Variants in AGTPBP1 observed in about 807,000 individuals in gnomAD.
AGTPBP1 encodes the protein ATP/GTP binding carboxypeptidase 1.
AGTPBP1 carries 70 observed loss-of-function variants against 143.9 expected under a neutral mutation model. The observed-to-expected ratio is 0.49, with a 90% CI of 0.40 to 0.59. The LOEUF (loss-of-function observed/expected upper bound fraction) is 0.59, where lower values mean the gene tolerates loss of function less well. AGTPBP1 is among the 20% of genes least tolerant of loss of function. The pLI is 0.00. For synonymous variants in AGTPBP1, 463 were observed against 500.2 expected (o/e 0.93, Z 0.99); for missense variants, 1,229 against 1,464.5 (o/e 0.84, Z 2.62).
rs898215331 is a variant in AGTPBP1 at position 85,726,399 on chromosome 9, T to C, written c.-33-13833A>G. 2.6e-5 allele frequency among the ~76,000 whole-genome samples: 4 copies of C among 152,370 alleles called. No individual in the cohort carries two copies. In the South Asian group the frequency reaches 8.3e-4, roughly 32 times the overall value. ...TGATTTTTCTCAATTAGTTTTTTGC[T>C]ATGGTCTTAAGTCTTATACATTAAC... On this transcript the variant is annotated intron_variant, in intron 1 of 25. Coordinates refer to ENST00000357081, the MANE Select transcript of AGTPBP1 (RefSeq NM_001330701.2).
chr9:85,662,244 G>A (rs534143357), intron 8 of AGTPBP1, among the ~76,000 whole-genome samples: 23 of 152,258 alleles, frequency 1.5e-4, no homozygotes, highest in African/African-American at 5.3e-4. Flanking sequence ...TGCCCAGTAA[G>A]AGGAAGTTCT....
chr9:85,701,325 G>A (rs1836643004), intron 2 of AGTPBP1, among the ~76,000 whole-genome samples: 2 of 151,428 alleles, frequency 1.3e-5, no homozygotes, highest in Admixed American at 6.6e-5. Flanking sequence ...TGCTTCCCTG[G>A]TTCAAGCGAT....
chr9:85,608,704 A>C (rs1013244088), intron 17 of AGTPBP1, among the ~76,000 whole-genome samples: 1 of 152,132 alleles, frequency 6.6e-6, no homozygotes, highest in Admixed American at 6.5e-5. Context: ...TCTCAATAGC[A>C]CAATACATTC....
chr9:85,778,412 T>C, the AGTPBP1 span, among the ~76,000 whole-genome samples: 2 of 152,192 alleles, frequency 1.3e-5, no homozygotes, highest in South Asian at 4.1e-4. Flanking sequence ...GTGATTCACC[T>C]ATGGGGGTCT....
chr9:85,753,701 G>A, the AGTPBP1 span, among the ~76,000 whole-genome samples: 1,279 of 151,886 alleles, frequency 8.4e-3, 8 homozygotes, highest in Middle Eastern at 0.024. Context: ...GCAGTGAGCC[G>A]AGACCATGCC....
At chr9:85,678,210 G>C in intron 5 of AGTPBP1, 125 bp downstream of exon 5, 1 of 588,498 alleles carries the variant, frequency 1.7e-6, no homozygotes, top group Non-Finnish European at 2.8e-6. Flanking sequence ...TGACATTTCA[G>C]TTTCTAATTC....
intron 17 of AGTPBP1, among the ~76,000 whole-genome samples, chr9:85,616,915 T>C (rs540796137): frequency 6.6e-6 from 1 of 152,070 alleles, no homozygotes; most frequent in Non-Finnish European, 1.5e-5. Context: ...GAACTTTTAG[T>C]CAAAATATGC....
At chr9:85,706,253 C>T (rs544197829) in intron 2 of AGTPBP1, among the ~76,000 whole-genome samples, 2 of 151,632 alleles carry the variant, frequency 1.3e-5, no homozygotes, top group South Asian at 2.1e-4. Context: ...TGGCTCACAC[C>T]TGTAATCCCA....
At chr9:85,761,187 G>A in the AGTPBP1 span, among the ~76,000 whole-genome samples, 1 of 152,142 alleles carries the variant, frequency 6.6e-6, no homozygotes, top group African/African-American at 2.4e-5. Flanking sequence ...TTGTGAAAAT[G>A]GCCATACTGC....
the AGTPBP1 span, among the ~76,000 whole-genome samples, chr9:85,771,527 T>G: frequency 6.6e-6 from 1 of 152,228 alleles, no homozygotes; most frequent in Non-Finnish European, 1.5e-5. Context: ...GAAAATGTTA[T>G]GCACAGCCTC....
Position 85,657,446 on chromosome 9 carries a change from T to C in AGTPBP1, c.898A>G (p.Asn300Asp), listed in dbSNP as rs759152181. 6.2e-7 allele frequency: 1 copy of C among 1,612,138 alleles called. No homozygotes were observed. Among genetic ancestry groups the C allele is most frequent in the Non-Finnish European group, 8.5e-7 (1 of 1,178,742 alleles). The part of the protein sequence containing the change: ...IDANGMKILY[N>D]TSQECLAVRT... ...AGAAAATAACTCACTTGCGAAGTAT[T>C]ATACAGAATTTTCATCCCATTGGCA... Residue 300 changes from asparagine to aspartate, a missense_variant, in exon 10 of 26, where the codon AAT becomes GAT. By Grantham distance (23) the Asn-to-Asp change is conservative (BLOSUM62 1). Transcript: ENST00000357081.
the AGTPBP1 span, chr9:85,792,083 A>T: frequency 6.6e-6 from 1 of 151,378 alleles, no homozygotes; most frequent in African/African-American, 2.5e-5. Flanking sequence ...TATTTTGCTT[A>T]TTTTTTTCCC....
chr9:85,556,639 T>C (rs1423991332), intron 25 of AGTPBP1, among the ~76,000 whole-genome samples: 1 of 152,146 alleles, frequency 6.6e-6, no homozygotes, highest in East Asian at 1.9e-4. Context: ...AAAGATATTA[T>C]GCAAAAACTA....
intron 23 of AGTPBP1, among the ~76,000 whole-genome samples, chr9:85,582,796 T>G (rs935950759): frequency 2.0e-5 from 3 of 152,102 alleles, no homozygotes; most frequent in African/African-American, 7.2e-5. Flanking sequence ...AAACATAGCA[T>G]TTATGTGTAT....
intron 17 of AGTPBP1, among the ~76,000 whole-genome samples, chr9:85,604,025 C>T (rs1829839171): frequency 1.3e-5 from 2 of 152,212 alleles, no homozygotes; most frequent in African/African-American, 4.8e-5. Flanking sequence ...GAATGCTGTA[C>T]AGCATTCTGG....
chr9:85,549,520 A>T (rs1825917404), intron 25 of AGTPBP1, among the ~76,000 whole-genome samples: 1 of 152,230 alleles, frequency 6.6e-6, no homozygotes, highest in African/African-American at 2.4e-5. Context: ...CTCATTCTCC[A>T]TGGGAAACTG....
chr9:85,743,457 C>T (rs1824504563), upstream of AGTPBP1, among the ~76,000 whole-genome samples: 1 of 152,074 alleles, frequency 6.6e-6, no homozygotes, highest in South Asian at 2.1e-4. Flanking sequence ...TTATGTTTTG[C>T]GGTAATTAAG....
intron 1 of AGTPBP1, among the ~76,000 whole-genome samples, chr9:85,725,065 C>T (rs780859749): frequency 2.0e-5 from 3 of 152,134 alleles, no homozygotes; most frequent in Admixed American, 1.3e-4. Flanking sequence ...TCCCCTGCAC[C>T]CTGCAGCTAC....
At chr9:85,796,858 C>T in the AGTPBP1 span, among the ~76,000 whole-genome samples, 1 of 152,164 alleles carries the variant, frequency 6.6e-6, no homozygotes, top group Non-Finnish European at 1.5e-5. Context: ...GCAGTCTCGG[C>T]TCACTGCAAC....
Sources: allele counts gnomAD v4.1 joint callset (sites outside exome capture counted in the v4.1 genomes callset), GRCh38; gene constraint gnomAD v4.1.1; transcripts MANE v1.5; gene names NCBI Gene and HGNC (gene_info 2026-07-23, HGNC 2026-07-21).